The following SCAMP1 variants were observed in gnomAD, a reference collection of about 807,000 sequenced individuals.
The protein encoded by SCAMP1 is secretory carrier membrane protein 1.
Under a neutral mutation model 41.8 loss-of-function variants are expected in SCAMP1, and 15 were observed. That is an observed-to-expected ratio of 0.36 (90% confidence interval 0.24 to 0.55). The LOEUF is 0.55. Ranked by LOEUF, SCAMP1 falls within the 20% of genes least tolerant of loss-of-function variation. SCAMP1 has a pLI of 0.86. For missense variants in SCAMP1, 341 were observed against 412.6 expected (o/e 0.83, Z 1.50); for synonymous variants, 135 against 136.8 (o/e 0.99, Z 0.09).
intron 2 of SCAMP1, among the ~76,000 whole-genome samples, chr5:78,410,798 G>A (rs561838033): frequency 3.3e-5 from 5 of 152,140 alleles, no homozygotes; most frequent in African/African-American, 4.8e-5. Flanking sequence ...CCATAACCTC[G>A]CCAGCATCTG....
intron 6 of SCAMP1, among the ~76,000 whole-genome samples, chr5:78,423,024 A>G (rs1436128510): frequency 5.5e-3 from 39 of 7,040 alleles, no homozygotes; most frequent in African/African-American, 0.043. Flanking sequence ...GCGCACACAC[A>G]CACACACACA....
At chr5:78,360,914 C>T (rs938592122) in intron 1 of SCAMP1, 186 bp downstream of exon 1, 9 of 600,620 alleles carry the variant, frequency 1.5e-5, no homozygotes, top group Non-Finnish European at 2.3e-5. Flanking sequence ...GGTTTTGGGG[C>T]TTGGGGGTGG....
At chr5:78,431,534 CTT>C (rs11380148) in intron 6 of SCAMP1, among the ~76,000 whole-genome samples, 9 of 121,226 alleles carry the variant, frequency 7.4e-5, no homozygotes, top group Non-Finnish European at 8.5e-5. Context: ...TTCTTTTTGC[CTT>C]TTTTTTTTTT....
intron 1 of SCAMP1, among the ~76,000 whole-genome samples, chr5:78,382,074 G>A (rs1751217162): frequency 6.6e-6 from 1 of 152,172 alleles, no homozygotes; most frequent in African/African-American, 2.4e-5. Flanking sequence ...CTCCAGACCA[G>A]CAGAAGCAGT....
At chr5:78,364,765 A>G (rs1216997838) in intron 1 of SCAMP1, among the ~76,000 whole-genome samples, 1 of 151,632 alleles carries the variant, frequency 6.6e-6, no homozygotes, top group Non-Finnish European at 1.5e-5. Flanking sequence ...GACCTTGGAA[A>G]GTTACTTAAC....
At position 78,477,113 on chromosome 5, in the gene SCAMP1, A is replaced by G. The variant is rs556664942; in HGVS notation, c.*1445A>G. On this transcript the variant is annotated 3_prime_UTR_variant, in exon 9 of 9. Coordinates refer to ENST00000621999, the MANE Select transcript of SCAMP1 (RefSeq NM_004866.6). Reference sequence around the variant, plus strand: ...AAATCCTTATTTTTTAAAAAATCAGATAGGCATAAATAGTTAAATCACTTT... The same window carrying G: ...AAATCCTTATTTTTTAAAAAATCAGGTAGGCATAAATAGTTAAATCACTTT... 4 of 152,272 alleles carry G rather than the reference A, an allele frequency of 2.6e-5. No individual in the cohort carries two copies. The highest frequency in any genetic ancestry group is 5.9e-5 in the Non-Finnish European group (4 of 67,976). The allele number at this position is 152,272 out of a possible 1,614,324, so 9.4% of individuals were successfully genotyped here.
At position 78,421,827 on chromosome 5, in the gene SCAMP1, A is replaced by G; in HGVS notation, c.499A>G (p.Ile167Val). The G allele has an allele frequency of 6.2e-7, 1 of 1,613,870 alleles. No homozygotes were observed. Residue 167 changes from isoleucine (I) to valine (V), a missense_variant, in exon 6 of 9, where the codon ATC (isoleucine) becomes GTC (valine). By Grantham distance (29) the Ile-to-Val change is conservative (BLOSUM62 3). Coordinates refer to ENST00000621999, the MANE Select transcript of SCAMP1 (RefSeq NM_004866.6). ...MFHAVTLFLN[I>V]FGCLAWFCVD... ...CCATGCAGTAACACTGTTTCTAAAT[A>G]TCTTCGGATGCTTGGCTTGGTTTTG...
intron 8 of SCAMP1, among the ~76,000 whole-genome samples, chr5:78,471,465 T>C (rs977205948): frequency 2.6e-5 from 4 of 152,070 alleles, no homozygotes. Flanking sequence ...ATTTAAAAAA[T>C]ATATTTAAAA....
chr5:78,426,403 T>C (rs1752471412), intron 6 of SCAMP1, among the ~76,000 whole-genome samples: 4 of 152,188 alleles, frequency 2.6e-5, no homozygotes, highest in Non-Finnish European at 5.9e-5. Context: ...TAATTTACAC[T>C]CCCAACAGTG....
chr5:78,457,729 G>T (rs369632750), intron 7 of SCAMP1: 1 of 153,558 alleles, frequency 6.5e-6, no homozygotes, highest in African/African-American at 2.4e-5. Flanking sequence ...CGAGCTTCCC[G>T]GCTGCTTTGT....
chr5:78,407,234 G>A (rs1751957054), intron 2 of SCAMP1, among the ~76,000 whole-genome samples: 1 of 152,084 alleles, frequency 6.6e-6, no homozygotes, highest in Non-Finnish European at 1.5e-5. Context: ...TAGAAGTTCT[G>A]TTAGTGAGGG....
At chr5:78,434,482 G>C (rs974399257) in intron 6 of SCAMP1, among the ~76,000 whole-genome samples, 2 of 151,988 alleles carry the variant, frequency 1.3e-5, no homozygotes, top group Non-Finnish European at 2.9e-5. Flanking sequence ...TTCCTTCTTA[G>C]ACACAGATAC....
chr5:78,445,638 AT>A (rs796617013), intron 6 of SCAMP1, among the ~76,000 whole-genome samples: 4,417 of 146,474 alleles, frequency 0.03, 221 homozygotes, highest in African/African-American at 0.1. Context: ...CTGATGATGT[AT>A]TTTTTTTTTT....
intron 2 of SCAMP1, among the ~76,000 whole-genome samples, chr5:78,409,709 C>T (rs1752023169): frequency 6.6e-6 from 1 of 152,140 alleles, no homozygotes; most frequent in African/African-American, 2.4e-5. Context: ...CTCATCATTG[C>T]TATACTGCAA....
intron 6 of SCAMP1, among the ~76,000 whole-genome samples, chr5:78,432,217 T>G (rs1033231451): frequency 1.3e-5 from 2 of 152,176 alleles, no homozygotes; most frequent in African/African-American, 4.8e-5. Flanking sequence ...CTTTTAATTT[T>G]AAAAGAATTA....
At chr5:78,409,424 C>T (rs1410917593) in intron 2 of SCAMP1, among the ~76,000 whole-genome samples, 4 of 85,978 alleles carry the variant, frequency 4.7e-5, no homozygotes, top group Non-Finnish European at 9.3e-5. Flanking sequence ...CATATAGATA[C>T]ACACACACAC....
At chr5:78,398,699 A>G (rs1482403595) in intron 2 of SCAMP1, among the ~76,000 whole-genome samples, 2 of 151,246 alleles carry the variant, frequency 1.3e-5, no homozygotes, top group Non-Finnish European at 2.9e-5. Context: ...TTGCGCCACC[A>G]CACCCGCCTA....
At chr5:78,404,009 C>A (rs1239164409) in intron 2 of SCAMP1, among the ~76,000 whole-genome samples, 8 of 143,066 alleles carry the variant, frequency 5.6e-5, no homozygotes, top group Non-Finnish European at 3.0e-5. Flanking sequence ...GTTGTCCTAG[C>A]TACTCAGGAG....
chr5:78,442,039 G>A (rs970788960), intron 6 of SCAMP1, among the ~76,000 whole-genome samples: 4 of 152,152 alleles, frequency 2.6e-5, no homozygotes, highest in African/African-American at 7.2e-5. Flanking sequence ...TGAGGTGGGA[G>A]GATTGATTGA....
Sources: gnomAD v4.1 joint callset for allele counts (sites outside exome capture counted in the v4.1 genomes callset) on GRCh38, gnomAD v4.1.1 for gene constraint, MANE v1.5 for transcripts, NCBI Gene and HGNC (gene_info 2026-07-23, HGNC 2026-07-21) for gene names.